Variants in ELAVL2 observed in about 807,000 individuals in gnomAD.
The protein encoded by ELAVL2 is ELAV-like protein 2.
Under a neutral mutation model 34.6 loss-of-function variants are expected in ELAVL2, and 4 were observed. That is an observed-to-expected ratio of 0.12 (90% CI 0.06 to 0.26). The LOEUF (loss-of-function observed/expected upper bound fraction) is 0.26. Among genes scored for constraint, ELAVL2 ranks in the 10% least tolerant of loss-of-function variants. The probability of loss-of-function intolerance (pLI) is 1.00; values close to 1 mark genes in which losing one functional copy is unlikely to be tolerated. For missense variants in ELAVL2, 432 were observed against 442.8 expected (o/e 0.98, Z 0.22); for synonymous variants, 193 against 154.8 (o/e 1.25, Z -1.83).
At chr9:23,818,712 CAAT>C (rs1310793075) in intron 1 of ELAVL2, among the ~76,000 whole-genome samples, 1 of 152,074 alleles carries the variant, frequency 6.6e-6, no homozygotes, top group Non-Finnish European at 1.5e-5. Context: ...ATAAAAGTGG[CAAT>C]AAGAATGTGA....
chr9:23,744,658 C>T (rs141908615), intron 2 of ELAVL2, among the ~76,000 whole-genome samples: 9 of 151,854 alleles, frequency 5.9e-5, no homozygotes, highest in African/African-American at 1.9e-4. Flanking sequence ...TACTTTCTAG[C>T]AAGAAAACAT....
the ELAVL2 span, chr9:23,831,484 CAGA>C: frequency 1.3e-5 from 2 of 152,290 alleles, no homozygotes; most frequent in East Asian, 1.9e-4. Flanking sequence ...GAGTTTGTAT[CAGA>C]AGAAGACTGA....
chr9:23,785,416 A>T (rs2059563215), intron 1 of ELAVL2, among the ~76,000 whole-genome samples: 2 of 152,252 alleles, frequency 1.3e-5, no homozygotes, highest in African/African-American at 4.8e-5. Context: ...AATTTAACTT[A>T]GTGTCCTGGA....
At chr9:23,753,517 C>T (rs1307688303) in intron 2 of ELAVL2, among the ~76,000 whole-genome samples, 1 of 151,994 alleles carries the variant, frequency 6.6e-6, no homozygotes, top group Non-Finnish European at 1.5e-5. Flanking sequence ...TGATTTTGTA[C>T]TACATCATAA....
intron 1 of ELAVL2, among the ~76,000 whole-genome samples, chr9:23,791,196 G>C (rs550133094): frequency 6.6e-6 from 1 of 152,258 alleles, no homozygotes; most frequent in South Asian, 2.1e-4. Flanking sequence ...GTACAGACAG[G>C]GTAAATGGAA....
At chr9:23,850,558 A>T in the ELAVL2 span, among the ~76,000 whole-genome samples, 1 of 150,522 alleles carries the variant, frequency 6.6e-6, no homozygotes, top group East Asian at 2.0e-4. Context: ...CCCCAGGAGC[A>T]GGGCAAGCCG....
intron 1 of ELAVL2, among the ~76,000 whole-genome samples, chr9:23,780,137 GTTGA>G (rs2058862498): frequency 6.6e-6 from 1 of 151,484 alleles, no homozygotes; most frequent in Admixed American, 6.6e-5. Flanking sequence ...CATAACTTAG[GTTGA>G]TTCTCTTTTC....
chr9:23,704,724 C>G (rs2038734583), intron 4 of ELAVL2, among the ~76,000 whole-genome samples, 194 bp downstream of exon 4: 2 of 152,152 alleles, frequency 1.3e-5, no homozygotes, highest in Non-Finnish European at 1.5e-5. Context: ...ATGACTCAAG[C>G]ACGCTCACTA....
At chr9:23,702,951 C>CCAAAA (rs2037824067) in intron 4 of ELAVL2, among the ~76,000 whole-genome samples, 1 of 47,626 alleles carries the variant, frequency 2.1e-5, no homozygotes, top group African/African-American at 6.3e-5. Context: ...ATCAGATTAG[C>CCAAAA]AAAAAAAAAA....
At chr9:23,830,396 G>A (rs2065460903), upstream of ELAVL2, 1 of 152,064 alleles carries the variant, frequency 6.6e-6, no homozygotes, top group African/African-American at 2.4e-5. Context: ...TCTTTACATT[G>A]TGTCTGTAAA....
In ELAVL2 at chr9:23,693,439, T is replaced by C; in HGVS notation, c.752+9A>G. 5 of 1,614,036 alleles carry C rather than the reference T, an allele frequency of 3.1e-6. No homozygotes were observed. Among genetic ancestry groups the C allele is most frequent in the Non-Finnish European group, 4.2e-6 (5 of 1,179,924 alleles). ...AGGGATTATGAGTATCATGAACCTC[T>C]ATCATTACCTCTTTACTCCATAAGC... On this transcript the variant is annotated intron_variant, in intron 6 of 6. Coordinates refer to ENST00000397312, the MANE Select transcript of ELAVL2 (RefSeq NM_004432.5).
At chr9:23,752,154 G>C (rs2052237125) in intron 2 of ELAVL2, among the ~76,000 whole-genome samples, 1 of 152,158 alleles carries the variant, frequency 6.6e-6, no homozygotes, top group African/African-American at 2.4e-5. Flanking sequence ...GTATTAACTG[G>C]TAAGAAGAGG....
At position 23,705,086 on chromosome 9, in the gene ELAVL2, T is replaced by C. The variant is rs749693675; in HGVS notation, c.334-15A>G. ...GCATAGGAAACCTGGAAAAGGAAAA[T>C]AAAATTAAATGTATATGCATGCTCA... On this transcript the variant is annotated splice_polypyrimidine_tract_variant and intron_variant, in intron 3 of 6. Transcript: ENST00000397312. The C allele has an allele frequency of 1.5e-5, 25 of 1,613,560 alleles. No individual in the cohort carries two copies. The highest frequency in any genetic ancestry group is 2.1e-5 in the Non-Finnish European group (25 of 1,179,880).
intron 3 of ELAVL2, among the ~76,000 whole-genome samples, chr9:23,724,152 G>A (rs767225452): frequency 1.3e-5 from 2 of 152,160 alleles, no homozygotes; most frequent in African/African-American, 2.4e-5. Flanking sequence ...GTAACAAAAT[G>A]ATCCATCAAT....
chr9:23,805,190 T>C (rs2062055101), intron 1 of ELAVL2, among the ~76,000 whole-genome samples: 1 of 152,138 alleles, frequency 6.6e-6, no homozygotes, highest in Admixed American at 6.5e-5. Flanking sequence ...CGTTAATCAT[T>C]TGGGGATTTT....
At chr9:23,709,615 T>C (rs1210993645) in intron 3 of ELAVL2, among the ~76,000 whole-genome samples, 1 of 152,214 alleles carries the variant, frequency 6.6e-6, no homozygotes, top group East Asian at 1.9e-4. Flanking sequence ...AAATTCTATT[T>C]AGAAATGCTT....
intron 3 of ELAVL2, among the ~76,000 whole-genome samples, chr9:23,710,295 C>T (rs1290991695): frequency 6.6e-6 from 1 of 152,142 alleles, no homozygotes; most frequent in East Asian, 1.9e-4. Context: ...CAAAATTATA[C>T]AAAGAAACAA....
chr9:23,707,052 C>T (rs1296985868), intron 3 of ELAVL2, among the ~76,000 whole-genome samples: 2 of 152,120 alleles, frequency 1.3e-5, no homozygotes, highest in African/African-American at 4.8e-5. Context: ...ACAGAAGAAA[C>T]AAGGAATTTG....
At chr9:23,778,173 A>C (rs2058519566) in intron 1 of ELAVL2, among the ~76,000 whole-genome samples, 1 of 152,186 alleles carries the variant, frequency 6.6e-6, no homozygotes, top group Non-Finnish European at 1.5e-5. Context: ...AAAAATAAAA[A>C]GCCAACAATG....
Sources: allele counts gnomAD v4.1 joint callset (sites outside exome capture counted in the v4.1 genomes callset), GRCh38; gene constraint gnomAD v4.1.1; transcripts MANE v1.5; gene names NCBI Gene and HGNC (gene_info 2026-07-23, HGNC 2026-07-21).